Variants in DLG2 observed in about 807,000 individuals in gnomAD.
The protein encoded by DLG2 is discs large MAGUK scaffold protein 2.
A neutral mutation model predicts 132.5 loss-of-function variants in DLG2; 45 were observed. The observed-to-expected ratio is 0.34, with a 90% CI of 0.27 to 0.44. The LOEUF is 0.44. Among genes scored for constraint, DLG2 ranks in the 20% least tolerant of loss-of-function variants. DLG2 has a pLI of 1.00. For synonymous variants in DLG2, 424 were observed against 419.6 expected (o/e 1.01, Z -0.13); for missense variants, 1,045 against 1,196.9 (o/e 0.87, Z 1.87).
chr11:85,253,727 G>A (rs2076519907), intron 4 of DLG2, among the ~76,000 whole-genome samples: 1 of 152,140 alleles, frequency 6.6e-6, no homozygotes, highest in African/African-American at 2.4e-5. Context: ...TATCCAGGAG[G>A]AATGAGATCA....
At chr11:85,491,641 C>G (rs957735415) in intron 3 of DLG2, among the ~76,000 whole-genome samples, 5 of 151,896 alleles carry the variant, frequency 3.3e-5, no homozygotes, top group African/African-American at 1.2e-4. Context: ...TTATTTAAAA[C>G]CTACTTACAA....
intron 6 of DLG2, among the ~76,000 whole-genome samples, chr11:84,729,754 T>C (rs1038045270): frequency 2.6e-5 from 4 of 151,988 alleles, no homozygotes; most frequent in African/African-American, 9.7e-5. Flanking sequence ...AATGGATGAA[T>C]AAAGAACCAA....
In DLG2 at chr11:83,641,550, T is replaced by C. The variant is rs533184863; in HGVS notation, c.1826-8225A>G. Among the ~76,000 whole-genome samples, 7 of 152,232 alleles carry C rather than the reference T, an allele frequency of 4.6e-5. No individual in the cohort carries two copies. The East Asian group carries it at 9.7e-4, about 21-fold the overall frequency. ...AGGCTTTAGAGGTACACTTAGAGCT[T>C]TTCTCACCCTGGCTGCTTTTCAAGT... On this transcript the variant is annotated intron_variant, in intron 18 of 27. Coordinates refer to ENST00000376104, the MANE Select transcript of DLG2 (RefSeq NM_001142699.3).
chr11:83,478,410 C>G (rs887975807), intron 22 of DLG2, among the ~76,000 whole-genome samples: 2 of 152,066 alleles, frequency 1.3e-5, no homozygotes, highest in Non-Finnish European at 2.9e-5. Flanking sequence ...CTTCTCTCTT[C>G]TCATAGATAA....
chr11:84,840,176 A>G (rs2080436444), intron 6 of DLG2, among the ~76,000 whole-genome samples: 1 of 152,074 alleles, frequency 6.6e-6, no homozygotes, highest in African/African-American at 2.4e-5. Flanking sequence ...AAAAGGGGGG[A>G]AAGGATATGA....
intron 6 of DLG2, among the ~76,000 whole-genome samples, chr11:84,921,597 A>G (rs1412996200): frequency 6.6e-6 from 1 of 152,198 alleles, no homozygotes; most frequent in Non-Finnish European, 1.5e-5. Context: ...TTTGGACTTA[A>G]GTTTTCCTGC....
At chr11:85,533,508 G>A (rs1356698356) in intron 3 of DLG2, among the ~76,000 whole-genome samples, 1 of 148,710 alleles carries the variant, frequency 6.7e-6, no homozygotes, top group Admixed American at 6.7e-5. Flanking sequence ...AGCATTCCAG[G>A]GTGTATACGT....
At chr11:84,644,038 G>A (rs184961914) in intron 6 of DLG2, among the ~76,000 whole-genome samples, 91 of 152,284 alleles carry the variant, frequency 6.0e-4, no homozygotes, top group African/African-American at 2.1e-3. Flanking sequence ...GTGGTAGATG[G>A]GGAATTTAAA....
intron 7 of DLG2, among the ~76,000 whole-genome samples, chr11:84,350,990 A>G (rs1203848926): frequency 6.6e-6 from 1 of 152,160 alleles, no homozygotes; most frequent in Non-Finnish European, 1.5e-5. Flanking sequence ...GTTTGGCATC[A>G]GCCTATCTAC....
In DLG2 at chr11:83,469,101, A is replaced by G. The variant is rs1428189777; in HGVS notation, c.2619+100T>C. The G allele has an allele frequency of 3.0e-5, 25 of 839,268 alleles. No individual in the cohort carries two copies. The East Asian group carries it at 5.3e-4, about 18-fold the overall frequency. The allele number at this position is 839,268 out of a possible 1,614,324, so 52.0% of individuals were successfully genotyped here. On this transcript the variant is annotated intron_variant, in intron 25 of 27. Coordinates refer to ENST00000376104, the MANE Select transcript of DLG2 (RefSeq NM_001142699.3). ...TTAAATTATTAAATCAAAATTTACA[A>G]TTGCAATCAAGAAAGAGTAATGACC...
Position 85,333,888 on chromosome 11 carries a change from GT to G in DLG2, c.41-48524del, listed in dbSNP as rs371521327. Among the ~76,000 whole-genome samples, 288 of 144,622 alleles carry G rather than the reference GT, an allele frequency of 2.0e-3. 1 individual carries two copies. Among genetic ancestry groups the G allele is most frequent in the Non-Finnish European group, 3.2e-3 (205 of 65,070 alleles). 94.9% of individuals were successfully genotyped at this position (144,622 alleles called of 152,430 possible). A position where few individuals can be genotyped will look rare whatever the true frequency, so the allele number is the denominator to read the frequency against. ...TACCTGGGATATTGGCCTGAAGTTG[GT>G]TTTTTTTTTTCACTGTGTCTCTGAC... is the stretch of plus-strand genomic sequence containing the variant. On this transcript the variant is annotated intron_variant, in intron 3 of 27. Transcript: ENST00000376104.
chr11:84,917,838 T>C (rs1378009076), intron 6 of DLG2, among the ~76,000 whole-genome samples: 3 of 152,134 alleles, frequency 2.0e-5, no homozygotes, highest in East Asian at 1.9e-4. Context: ...TCACAACCAT[T>C]TGGAGACCAT....
intron 3 of DLG2, among the ~76,000 whole-genome samples, chr11:85,546,905 T>A (rs980305544): frequency 1.3e-5 from 2 of 150,632 alleles, no homozygotes; most frequent in Non-Finnish European, 3.0e-5. Context: ...TGTCTTTGCA[T>A]GTGAGATGGG....
At chr11:84,851,767 T>C (rs1009087503) in intron 6 of DLG2, among the ~76,000 whole-genome samples, 1 of 151,940 alleles carries the variant, frequency 6.6e-6, no homozygotes, top group Admixed American at 6.6e-5. Context: ...CTTAGAGTCA[T>C]TAACAGACAA....
chr11:84,832,826 C>T (rs1380867719), intron 6 of DLG2, among the ~76,000 whole-genome samples: 1 of 151,570 alleles, frequency 6.6e-6, no homozygotes, highest in Admixed American at 6.6e-5. Flanking sequence ...CCTCCGCCCC[C>T]AGTTTGGATT....
chr11:84,804,656 C>T (rs1305396514), intron 6 of DLG2, among the ~76,000 whole-genome samples: 1 of 152,166 alleles, frequency 6.6e-6, no homozygotes, highest in Non-Finnish European at 1.5e-5. Flanking sequence ...ACAGCCCTAA[C>T]TAAAGCCTGT....
intron 3 of DLG2, among the ~76,000 whole-genome samples, chr11:85,529,503 C>T (rs1329847911): frequency 6.6e-6 from 1 of 152,054 alleles, no homozygotes; most frequent in East Asian, 1.9e-4. Flanking sequence ...TAGTAGTCAT[C>T]TGATAGAAAA....
At chr11:85,173,361 T>C (rs116474204) in intron 4 of DLG2, among the ~76,000 whole-genome samples, 120 of 152,300 alleles carry the variant, frequency 7.9e-4, no homozygotes, top group African/African-American at 2.7e-3. Context: ...GAATTTCATG[T>C]CTGGCCAAAC....
intron 14 of DLG2, among the ~76,000 whole-genome samples, chr11:83,940,320 C>T (rs902276004): frequency 6.6e-6 from 1 of 152,164 alleles, no homozygotes; most frequent in South Asian, 2.1e-4. Context: ...TACAGTATTT[C>T]TTCATGATTG....
Sources: allele counts gnomAD v4.1 joint callset (sites outside exome capture counted in the v4.1 genomes callset), GRCh38; gene constraint gnomAD v4.1.1; transcripts MANE v1.5; gene names NCBI Gene and HGNC (gene_info 2026-07-23, HGNC 2026-07-21).